Variants in HK1 observed in about 807,000 individuals in gnomAD.
HK1 encodes hexokinase 1.
Under a neutral mutation model 91.6 loss-of-function variants are expected in HK1, and 28 were observed. The ratio of observed to expected loss-of-function variants is 0.31; its 90% CI spans 0.23 to 0.42. The LOEUF is 0.42. Among genes scored for constraint, HK1 ranks in the 10% least tolerant of loss-of-function variants. HK1 has a pLI of 1.00. For synonymous variants in HK1, 430 were observed against 468.1 expected, an observed-to-expected ratio of 0.92 and a Z score of 1.05; for missense variants, 770 against 1,219.8, an observed-to-expected ratio of 0.63 and a Z score of 5.49.
intron 1 of HK1, chr10:69,278,797 T>C (rs763370994): frequency 2.0e-5 from 3 of 151,784 alleles, no homozygotes; most frequent in Non-Finnish European, 4.4e-5. Context: ...TAAGATGAAG[T>C]TGTTTTTTTT....
chr10:69,297,939 G>A (rs1056789394), intron 4 of HK1, among the ~76,000 whole-genome samples: 3 of 150,214 alleles, frequency 2.0e-5, no homozygotes, highest in Admixed American at 6.6e-5. Flanking sequence ...GGCCAGGTGC[G>A]GTGGCTCACG....
intron 3 of HK1, among the ~76,000 whole-genome samples, chr10:69,295,011 C>CAGAGAGAGAGAGAGAGAGAGAG (rs3086615): frequency 4.0e-5 from 5 of 125,146 alleles, no homozygotes; most frequent in African/African-American, 1.5e-4. Context: ...GCCTGGGCAA[C>CAGAGAGAGAGAGAGAGAGAGAG]AGAGAGAGAG....
At chr10:69,373,569 T>C (rs1850128228) in intron 7 of HK1, among the ~76,000 whole-genome samples, 1 of 151,830 alleles carries the variant, frequency 6.6e-6, no homozygotes. Context: ...TTAATTCTCC[T>C]TCCCTTTTGT....
intron 1 of HK1, among the ~76,000 whole-genome samples, chr10:69,333,304 A>T (rs1173721434): frequency 6.6e-6 from 1 of 152,162 alleles, no homozygotes; most frequent in Admixed American, 6.5e-5. Flanking sequence ...CTGCACTCAG[A>T]TCCTTTTCTC....
At chr10:69,379,830 C>A in intron 8 of HK1, 32 bp from the exon 9 acceptor site, 2 of 1,460,892 alleles carry the variant, frequency 1.4e-6, no homozygotes, top group South Asian at 2.3e-5. Context: ...ATGTGGTCCT[C>A]AGTGCATCAG....
rs147758343 is a variant in HK1, at chr10:69,401,039, T to C, written c.2658T>C (p.Cys886=). 8.7e-6 allele frequency: 14 copies of C among 1,614,246 alleles called. No homozygotes were observed. The African/African-American group carries it at 1.2e-4, about 14-fold the overall frequency. Residue 886 remains cysteine (C), a synonymous_variant, in exon 18 of 18, where the codon TGT becomes TGC. Transcript: ENST00000359426. ...HQTVKELSPK[C]NVSFLLSEDG... is the part of the protein sequence containing the mutation. ...CGGTGAAGGAACTGTCACCAAAATG[T>C]AACGTGTCCTTCCTCCTGTCTGAGG...
chr10:69,304,827 C>T (rs1480979409), intron 5 of HK1, among the ~76,000 whole-genome samples: 1 of 152,166 alleles, frequency 6.6e-6, no homozygotes, highest in Non-Finnish European at 1.5e-5. Context: ...TGCTTTCCTG[C>T]TCATGTGGTT....
intron 2 of HK1, among the ~76,000 whole-genome samples, chr10:69,352,416 C>T (rs1030280183): frequency 6.6e-6 from 1 of 152,144 alleles, no homozygotes; most frequent in African/African-American, 2.4e-5. Flanking sequence ...GAATTTCCAC[C>T]AAATCTATGA....
rs140751728 is a variant in HK1, at chr10:69,363,363, C to T, written c.376-1420C>T. ...TAACCACTCTTCTGGTTAGAACACACATAGAATATTATCTTCTGTTCTGAT... is the reference window on the plus strand; with the variant it reads ...TAACCACTCTTCTGGTTAGAACACATATAGAATATTATCTTCTGTTCTGAT... On this transcript the variant is annotated intron_variant, in intron 3 of 17. Transcript: ENST00000359426. Among the ~76,000 whole-genome samples, 58 of 152,372 alleles carry T rather than the reference C, an allele frequency of 3.8e-4. No individual in the cohort carries two copies. The East Asian group carries it at 9.8e-3, about 26-fold the overall frequency.
chr10:69,297,199 A>C (rs914222799), intron 4 of HK1, among the ~76,000 whole-genome samples: 1 of 152,378 alleles, frequency 6.6e-6, no homozygotes, highest in East Asian at 1.9e-4. Flanking sequence ...TTCTTACAAT[A>C]AAGTAAGCTA....
chr10:69,355,195 C>G (rs959168367), intron 2 of HK1, among the ~76,000 whole-genome samples: 1 of 151,972 alleles, frequency 6.6e-6, no homozygotes, highest in Non-Finnish European at 1.5e-5. Context: ...TACCTACATT[C>G]CAAACACCAT....
chr10:69,350,450 C>G (rs1376829367), intron 2 of HK1, among the ~76,000 whole-genome samples: 2 of 152,070 alleles, frequency 1.3e-5, no homozygotes, highest in Non-Finnish European at 2.9e-5. Flanking sequence ...ATCACAAGGT[C>G]AAGAGATCGA....
chr10:69,354,302 G>A (rs964974446), intron 2 of HK1, among the ~76,000 whole-genome samples: 1 of 152,178 alleles, frequency 6.6e-6, no homozygotes. Flanking sequence ...CTGTTAAAAA[G>A]AACTGCCTAA....
At chr10:69,320,543 T>A (rs370590059) in intron 1 of HK1, among the ~76,000 whole-genome samples, 1 of 152,166 alleles carries the variant, frequency 6.6e-6, no homozygotes, top group African/African-American at 2.4e-5. Context: ...AGTGGTGTTG[T>A]GCATCACTGA....
upstream of HK1, among the ~76,000 whole-genome samples, chr10:69,314,289 G>T (rs1462222145): frequency 6.6e-6 from 1 of 152,232 alleles, no homozygotes; most frequent in Admixed American, 6.5e-5. Context: ...CTGGGGAACT[G>T]TTAGAAAGTG....
intron 1 of HK1, among the ~76,000 whole-genome samples, chr10:69,272,313 C>T (rs77804613): frequency 0.025 from 3,783 of 152,238 alleles, 79 homozygotes; most frequent in Non-Finnish European, 0.042. Context: ...CAGAAGCTTA[C>T]GGATATCACC....
At chr10:69,378,756 C>T (rs1296575450) in intron 8 of HK1, among the ~76,000 whole-genome samples, 2 of 152,148 alleles carry the variant, frequency 1.3e-5, no homozygotes, top group African/African-American at 2.4e-5. Flanking sequence ...TCTCTTCTCC[C>T]ATCATAAAAT....
intron 14 of HK1, among the ~76,000 whole-genome samples, chr10:69,390,525 T>C (rs1435926249): frequency 6.6e-6 from 1 of 152,250 alleles, no homozygotes; most frequent in East Asian, 1.9e-4. Context: ...GCTCCTCTTC[T>C]CTCAGTTTTA....
At chr10:69,277,976 T>TGG (rs1337703366) in intron 1 of HK1, among the ~76,000 whole-genome samples, 6 of 151,576 alleles carry the variant, frequency 4.0e-5, no homozygotes, top group African/African-American at 1.2e-4. Context: ...AAGGTTGCAG[T>TGG]GAGCCGAGAT....
Sources: gnomAD v4.1 joint callset for allele counts (sites outside exome capture counted in the v4.1 genomes callset) on GRCh38, gnomAD v4.1.1 for gene constraint, MANE v1.5 for transcripts, NCBI Gene and HGNC (gene_info 2026-07-23, HGNC 2026-07-21) for gene names.